Variants in GPHN observed in about 807,000 individuals in gnomAD.
GPHN encodes gephyrin.
Under a neutral mutation model 95.5 loss-of-function variants are expected in GPHN, and 17 were observed. The observed-to-expected ratio is 0.18, with a 90% CI of 0.12 to 0.27. The LOEUF is 0.27. Among genes scored for constraint, GPHN ranks in the 10% least tolerant of loss-of-function variants. The pLI, the probability that GPHN is intolerant of heterozygous loss-of-function variation, is 1.00. For missense variants in GPHN, 660 were observed against 978.1 expected (o/e 0.67, Z 4.34); for synonymous variants, 320 against 322.5 (o/e 0.99, Z 0.08).
At chr14:67,590,020 C>A in the GPHN span, 1 of 1,503,862 alleles carries the variant, frequency 6.6e-7, no homozygotes, top group Non-Finnish European at 8.9e-7. Context: ...GAAAACCAGC[C>A]CCTATGGCTT....
intron 4 of GPHN, among the ~76,000 whole-genome samples, chr14:66,837,137 A>T (rs982005407): frequency 6.6e-6 from 1 of 151,458 alleles, no homozygotes; most frequent in Non-Finnish European, 1.5e-5. Context: ...ATAAAGACAC[A>T]TGCACACGTA....
chr14:66,843,197 C>A (rs745394895), intron 4 of GPHN, among the ~76,000 whole-genome samples: 2 of 152,124 alleles, frequency 1.3e-5, no homozygotes, highest in African/African-American at 4.8e-5. Flanking sequence ...TCTTCACTCA[C>A]TGGTGCTTTG....
chr14:66,895,275 G>T (rs539061487), intron 5 of GPHN, among the ~76,000 whole-genome samples: 2 of 152,142 alleles, frequency 1.3e-5, no homozygotes, highest in Admixed American at 6.5e-5. Flanking sequence ...ACCAGACACC[G>T]CATGTTCTCA....
the GPHN span, chr14:67,579,618 T>C: frequency 6.1e-6 from 7 of 1,153,066 alleles, no homozygotes; most frequent in South Asian, 1.1e-4. Flanking sequence ...CTTTTGTATT[T>C]GCCCTTGCTC....
intron 4 of GPHN, among the ~76,000 whole-genome samples, chr14:66,862,864 G>A (rs2063081532): frequency 6.6e-6 from 1 of 151,978 alleles, no homozygotes; most frequent in African/African-American, 2.4e-5. Context: ...CCCACATCTG[G>A]TATCATAGTG....
At chr14:66,653,446 C>T (rs1296560384) in intron 1 of GPHN, among the ~76,000 whole-genome samples, 2 of 152,170 alleles carry the variant, frequency 1.3e-5, no homozygotes, top group African/African-American at 4.8e-5. Flanking sequence ...TACCCTCTAT[C>T]CAGTTTCCTC....
intron 5 of GPHN, among the ~76,000 whole-genome samples, chr14:66,885,304 A>G (rs2064132032): frequency 6.6e-6 from 1 of 152,076 alleles, no homozygotes. Context: ...TCTCTCTGAT[A>G]TAACTATTTT....
chr14:67,674,553 G>A, the GPHN span: 1 of 1,424,394 alleles, frequency 7.0e-7, no homozygotes, highest in Non-Finnish European at 9.3e-7. Context: ...TCCTAGCCCG[G>A]CGGTCAGCCG....
At chr14:66,804,263 G>C (rs1332627005) in intron 3 of GPHN, among the ~76,000 whole-genome samples, 3 of 152,140 alleles carry the variant, frequency 2.0e-5, no homozygotes, top group Non-Finnish European at 4.4e-5. Context: ...GACACTAGGA[G>C]GTTTAGCTCT....
At chr14:66,646,758 G>C (rs2064769644) in intron 1 of GPHN, among the ~76,000 whole-genome samples, 1 of 151,996 alleles carries the variant, frequency 6.6e-6, no homozygotes, top group East Asian at 1.9e-4. Context: ...TTGTTTAATG[G>C]GTATAGAGTT....
the GPHN span, chr14:67,583,952 C>T: frequency 5.1e-5 from 83 of 1,612,468 alleles, no homozygotes; most frequent in South Asian, 7.7e-4. Flanking sequence ...GAAGACACGT[C>T]GGCACTTCAT....
chr14:66,685,909 G>C (rs1207643315), intron 2 of GPHN, among the ~76,000 whole-genome samples: 1 of 152,242 alleles, frequency 6.6e-6, no homozygotes, highest in East Asian at 1.9e-4. Flanking sequence ...AATCCATCTT[G>C]AATTAATTTT....
chr14:66,942,679 T>A (rs1203157553), intron 8 of GPHN, among the ~76,000 whole-genome samples: 1 of 152,182 alleles, frequency 6.6e-6, no homozygotes, highest in Admixed American at 6.5e-5. Context: ...TATATTAGTA[T>A]TATTCCCCAA....
At chr14:67,326,995 T>C in the GPHN span, among the ~76,000 whole-genome samples, 1 of 151,974 alleles carries the variant, frequency 6.6e-6, no homozygotes, top group Non-Finnish European at 1.5e-5. Context: ...GCTAACATAG[T>C]GAAACCCCGT....
chr14:67,393,114 T>C, the GPHN span: 3 of 1,484,662 alleles, frequency 2.0e-6, no homozygotes, highest in Non-Finnish European at 2.8e-6. Flanking sequence ...ATGTCCCAGC[T>C]TGACTGCCCA....
At chr14:67,114,926 A>T (rs1375659192) in intron 16 of GPHN, among the ~76,000 whole-genome samples, 1 of 152,192 alleles carries the variant, frequency 6.6e-6, no homozygotes, top group African/African-American at 2.4e-5. Context: ...ATGGTATTAT[A>T]TCATGAAATC....
chr14:66,713,913 C>T (rs1483471773), intron 2 of GPHN, among the ~76,000 whole-genome samples: 1 of 152,118 alleles, frequency 6.6e-6, no homozygotes, highest in African/African-American at 2.4e-5. Context: ...GTACTACAGG[C>T]ATGTGCCACC....
chr14:66,843,417 A>G (rs2062177828), intron 4 of GPHN, among the ~76,000 whole-genome samples: 1 of 152,248 alleles, frequency 6.6e-6, no homozygotes, highest in East Asian at 1.9e-4. Flanking sequence ...TATCATCTAC[A>G]CTTGCCTTGT....
chr14:67,336,125 T>G, the GPHN span: 4 of 152,332 alleles, frequency 2.6e-5, no homozygotes, highest in Non-Finnish European at 5.9e-5. Flanking sequence ...ATGGACCTTA[T>G]GTGCAGCCTG....
Sources: gnomAD v4.1 joint callset for allele counts (sites outside exome capture counted in the v4.1 genomes callset) on GRCh38, gnomAD v4.1.1 for gene constraint, MANE v1.5 for transcripts, NCBI Gene and HGNC (gene_info 2026-07-23, HGNC 2026-07-21) for gene names.